Variants in PAICS observed in about 807,000 individuals in gnomAD.
PAICS encodes phosphoribosylaminoimidazole carboxylase and phosphoribosylaminoimidazolesuccinocarboxamide synthase.
Under a neutral mutation model 53.7 loss-of-function variants are expected in PAICS, and 33 were observed. That is an observed-to-expected ratio of 0.61 (90% CI 0.47 to 0.82). PAICS has a LOEUF of 0.82. Ranked by LOEUF, PAICS falls within the 40% of genes least tolerant of loss-of-function variation. The probability of loss-of-function intolerance (pLI) is 0.00; values close to 1 mark genes in which losing one functional copy is unlikely to be tolerated. For missense variants in PAICS, 394 were observed against 494.1 expected (o/e 0.80, Z 1.92); for synonymous variants, 141 against 167.2 (o/e 0.84, Z 1.21).
the PAICS span, chr4:56,416,575 A>G: frequency 6.6e-6 from 1 of 152,540 alleles, no homozygotes; most frequent in African/African-American, 2.4e-5. Context: ...TTGCCAACCC[A>G]CACTGAAAAA....
upstream of PAICS, chr4:56,435,771 C>T: frequency 1.3e-6 from 2 of 1,502,592 alleles, no homozygotes; most frequent in Admixed American, 4.0e-5. Flanking sequence ...CTAAGAGCTG[C>T]CTGGAAAGCT....
At chr4:56,435,859 A>G, upstream of PAICS, 1 of 1,486,680 alleles carries the variant, frequency 6.7e-7, no homozygotes, top group Non-Finnish European at 9.0e-7. Flanking sequence ...ACTTAACCTC[A>G]TTTCTCTTTC....
upstream of PAICS, among the ~76,000 whole-genome samples, chr4:56,432,120 A>G (rs1717616715): frequency 6.6e-6 from 1 of 152,214 alleles, no homozygotes; most frequent in Admixed American, 6.5e-5. Context: ...CCTTCCAGGT[A>G]TTCTGTTAAC....
rs1391694241 is a variant in PAICS, at chr4:56,463,759, T to A, written c.*4221T>A. On this transcript the variant is annotated 3_prime_UTR_variant, in exon 9 of 9. Coordinates refer to ENST00000512576, the MANE Select transcript of PAICS (RefSeq NM_001079524.2). ...CAGGCTAAATCCATTAATATAAAAATACATTGTGGATACTGATGAGATGGC... is the reference window on the plus strand; with the variant it reads ...CAGGCTAAATCCATTAATATAAAAAAACATTGTGGATACTGATGAGATGGC... 1 of 150,222 alleles carries A rather than the reference T, an allele frequency of 6.7e-6. No individual in the cohort carries two copies. Among genetic ancestry groups the A allele is most frequent in the Non-Finnish European group, 1.5e-5 (1 of 67,712 alleles). The allele number at this position is 150,222 out of a possible 1,614,324, so 9.3% of individuals were successfully genotyped here.
the PAICS span, among the ~76,000 whole-genome samples, chr4:56,424,357 T>C: frequency 2.0e-5 from 3 of 152,190 alleles, no homozygotes; most frequent in East Asian, 5.8e-4. Context: ...TTTAGACGGT[T>C]CTCAAGCATA....
At position 56,446,826 on chromosome 4, in the gene PAICS, A is replaced by G. The variant is rs777455868; in HGVS notation, c.346A>G (p.Lys116Glu). The G allele has an allele frequency of 5.0e-6, 8 of 1,610,618 alleles. No homozygotes were observed. In the African/African-American group the frequency reaches 8.0e-5, roughly 16 times the overall value. Residue 116 changes from lysine (K) to glutamate (E), a missense_variant, in exon 3 of 9, where the codon AAG becomes GAG. Lys to Glu is a moderately conservative substitution (Grantham distance 56). Transcript: ENST00000512576. ...GSFLKRNPGV[K>E]EGYKFYPPKV... ...TTTTCTCAAAAGAAATCCTGGTGTC[A>G]AGGAAGGATATAAGTTTTACCCACC...
At chr4:56,416,033 GC>G in the PAICS span, among the ~76,000 whole-genome samples, 1 of 150,034 alleles carries the variant, frequency 6.7e-6, no homozygotes, top group Admixed American at 6.7e-5. Context: ...TCACACCACT[GC>G]ACTCCAGCCT....
At chr4:56,450,764 C>CA in intron 6 of PAICS, 62 bp downstream of exon 6, 4 of 832,372 alleles carry the variant, frequency 4.8e-6, no homozygotes, top group Admixed American at 5.0e-5. Context: ...AATCTTGTTT[C>CA]AAAAGAAAAA....
At chr4:56,454,353 TGTGCAGACTCTA>T (rs1719083223) in intron 8 of PAICS, among the ~76,000 whole-genome samples, 1 of 152,216 alleles carries the variant, frequency 6.6e-6, no homozygotes, top group Non-Finnish European at 1.5e-5. Context: ...AAGCTGGTTC[TGTGCAGACTCTA>T]GTTGGCCATA....
intron 2 of PAICS, among the ~76,000 whole-genome samples, chr4:56,443,094 A>G (rs546327370): frequency 6.6e-6 from 1 of 152,312 alleles, no homozygotes; most frequent in African/African-American, 2.4e-5. Context: ...TAGCTTCCCA[A>G]TGACTGAGGT....
Position 56,448,740 on chromosome 4 carries a change from GA to G in PAICS, c.607del (p.Ile203LeufsTer35), listed in dbSNP as rs1560661421. The G allele has an allele frequency of 6.3e-7, 1 of 1,595,790 alleles. No homozygotes were observed. The highest frequency in any genetic ancestry group is 8.6e-7 in the Non-Finnish European group (1 of 1,169,230). The part of the protein sequence containing the change: ...IEFGVDVTTK[E>X]IVLADVIDND... ...ATTTGGTGTTGATGTAACCACCAAAGAAATTGTTCTTGCTGATGTTATTGAC... is the reference window on the plus strand; with the variant it reads ...ATTTGGTGTTGATGTAACCACCAAAGAATTGTTCTTGCTGATGTTATTGAC... On this transcript the variant is annotated frameshift_variant, in exon 5 of 9. Coordinates refer to ENST00000512576, the MANE Select transcript of PAICS (RefSeq NM_001079524.2). LOFTEE classifies it high-confidence loss of function.
At chr4:56,432,627 T>C (rs1717652426), upstream of PAICS, among the ~76,000 whole-genome samples, 1 of 138,800 alleles carries the variant, frequency 7.2e-6, no homozygotes, top group African/African-American at 2.7e-5. Flanking sequence ...CTACTAAAAA[T>C]ACAAAAAATT....
At chr4:56,442,885 G>A (rs934290320) in intron 2 of PAICS, among the ~76,000 whole-genome samples, 2 of 152,144 alleles carry the variant, frequency 1.3e-5, no homozygotes, top group African/African-American at 2.4e-5. Context: ...CATTCTTGGC[G>A]TAGTTTTGTC....
At chr4:56,434,143 T>C (rs75230149), upstream of PAICS, among the ~76,000 whole-genome samples, 518 of 152,322 alleles carry the variant, frequency 3.4e-3, 3 homozygotes, top group African/African-American at 0.012. Flanking sequence ...TTATCCAAGA[T>C]TGGAGCTACG....
At chr4:56,438,844 C>T (rs929936686) in intron 1 of PAICS, among the ~76,000 whole-genome samples, 2 of 152,170 alleles carry the variant, frequency 1.3e-5, no homozygotes, top group Non-Finnish European at 2.9e-5. Context: ...TATATTTTAA[C>T]AAATGACATT....
intron 1 of PAICS, chr4:56,436,557 G>A (rs1293548396): frequency 1.4e-6 from 1 of 706,568 alleles, no homozygotes; most frequent in Non-Finnish European, 2.6e-6. Context: ...CCAAGGGGTG[G>A]AAAGGTGCCT....
chr4:56,454,955 C>T (rs1719112459), intron 8 of PAICS, among the ~76,000 whole-genome samples: 1 of 152,066 alleles, frequency 6.6e-6, no homozygotes, highest in Non-Finnish European at 1.5e-5. Context: ...GTCAGGAGTT[C>T]AAGACCTGCC....
At chr4:56,425,840 T>G in the PAICS span, among the ~76,000 whole-genome samples, 2 of 152,240 alleles carry the variant, frequency 1.3e-5, no homozygotes, top group East Asian at 3.8e-4. Flanking sequence ...ATAAAAACTC[T>G]GGCTTAGAGG....
intron 1 of PAICS, among the ~76,000 whole-genome samples, chr4:56,437,553 G>C (rs564204007): frequency 1.3e-5 from 2 of 151,974 alleles, no homozygotes; most frequent in African/African-American, 4.8e-5. Context: ...CGGGCGCTGT[G>C]GCTCACGCCT....
Sources: allele counts gnomAD v4.1 joint callset (sites outside exome capture counted in the v4.1 genomes callset), GRCh38; gene constraint gnomAD v4.1.1; transcripts MANE v1.5; gene names NCBI Gene and HGNC (gene_info 2026-07-23, HGNC 2026-07-21).